Variants in RUNX2 observed in about 807,000 individuals in gnomAD.
The protein encoded by RUNX2 is runt-related transcription factor 2.
RUNX2 carries 10 observed loss-of-function variants against 51.7 expected under a neutral mutation model. The ratio of observed to expected loss-of-function variants is 0.19; its 90% CI spans 0.12 to 0.33. The LOEUF is 0.33. Among genes scored for constraint, RUNX2 ranks in the 10% least tolerant of loss-of-function variants. The pLI, the probability that RUNX2 is intolerant of heterozygous loss-of-function variation, is 1.00. For synonymous variants in RUNX2, 276 were observed against 273.6 expected, an observed-to-expected ratio of 1.01 and a Z score of -0.09; for missense variants, 562 against 691.3, an observed-to-expected ratio of 0.81 and a Z score of 2.10.
intron 5 of RUNX2, among the ~76,000 whole-genome samples, chr6:45,478,927 G>A (rs772026680): frequency 1.3e-5 from 2 of 151,158 alleles, no homozygotes; most frequent in South Asian, 4.2e-4. Flanking sequence ...TCTCTCTGTC[G>A]CCCAGGCTGG....
At chr6:45,362,843 GT>G (rs141246778) in intron 2 of RUNX2, among the ~76,000 whole-genome samples, 3 of 151,800 alleles carry the variant, frequency 2.0e-5, no homozygotes, top group Admixed American at 2.0e-4. Flanking sequence ...TTTTTTCTCA[GT>G]TTTTTTAAAA....
intron 2 of RUNX2, among the ~76,000 whole-genome samples, chr6:45,329,694 C>G (rs1017546470): frequency 6.6e-6 from 1 of 151,872 alleles, no homozygotes; most frequent in African/African-American, 2.4e-5. Flanking sequence ...AACTATTAAA[C>G]CATGCTGGAC....
intron 5 of RUNX2, among the ~76,000 whole-genome samples, chr6:45,450,813 G>A (rs1005507377): frequency 6.6e-6 from 1 of 152,214 alleles, no homozygotes; most frequent in African/African-American, 2.4e-5. Context: ...GAGGGCATTA[G>A]CAATGCCTAC....
chr6:45,469,087 T>C (rs955146625), intron 5 of RUNX2, among the ~76,000 whole-genome samples: 20 of 152,240 alleles, frequency 1.3e-4, no homozygotes, highest in African/African-American at 4.8e-4. Context: ...TCCTTCAGTC[T>C]AAAATTTTGC....
intron 2 of RUNX2, among the ~76,000 whole-genome samples, chr6:45,340,251 C>T (rs1254964255): frequency 2.6e-5 from 4 of 152,060 alleles, no homozygotes; most frequent in Non-Finnish European, 5.9e-5. Context: ...TTAAGAAATA[C>T]TAATCTGACA....
At chr6:45,366,164 T>C (rs1010669225) in intron 2 of RUNX2, among the ~76,000 whole-genome samples, 1 of 152,202 alleles carries the variant, frequency 6.6e-6, no homozygotes, top group African/African-American at 2.4e-5. Context: ...AAGCTGTAAT[T>C]TTCCTCAAAA....
intron 5 of RUNX2, among the ~76,000 whole-genome samples, chr6:45,480,281 T>C (rs1386556441): frequency 1.3e-5 from 2 of 152,232 alleles, no homozygotes; most frequent in African/African-American, 2.4e-5. Context: ...TTGGAGTTTA[T>C]ATCATGTTAC....
intron 7 of RUNX2, among the ~76,000 whole-genome samples, chr6:45,536,670 C>T (rs1802045630): frequency 6.6e-6 from 1 of 152,212 alleles, no homozygotes; most frequent in African/African-American, 2.4e-5. Context: ...CGGCATCTCT[C>T]CTGGACCAGT....
At chr6:45,397,960 A>C (rs1410158005) in intron 2 of RUNX2, among the ~76,000 whole-genome samples, 1 of 152,132 alleles carries the variant, frequency 6.6e-6, no homozygotes, top group African/African-American at 2.4e-5. Context: ...TGAACCTAGC[A>C]TTGTGCCTAG....
intron 5 of RUNX2, among the ~76,000 whole-genome samples, chr6:45,463,109 C>T (rs188755373): frequency 6.6e-6 from 1 of 152,184 alleles, no homozygotes; most frequent in South Asian, 2.1e-4. Context: ...AAATATTGAT[C>T]AATGACTTTT....
At chr6:45,428,486 T>C (rs1798446484) in intron 3 of RUNX2, among the ~76,000 whole-genome samples, 1 of 152,180 alleles carries the variant, frequency 6.6e-6, no homozygotes, top group South Asian at 2.1e-4. Context: ...ATTTAGCCAT[T>C]AAACTAGAGT....
At chr6:45,487,070 T>C (rs1800305434) in intron 5 of RUNX2, among the ~76,000 whole-genome samples, 1 of 152,226 alleles carries the variant, frequency 6.6e-6, no homozygotes, top group African/African-American at 2.4e-5. Flanking sequence ...TGATTATGCT[T>C]TCTTCTTGTG....
intron 2 of RUNX2, among the ~76,000 whole-genome samples, chr6:45,348,200 C>T (rs548854263): frequency 1.5e-3 from 227 of 152,076 alleles, no homozygotes; most frequent in African/African-American, 5.2e-3. Context: ...TCTAATATAA[C>T]ATAGCAGTTA....
chr6:45,377,906 T>C (rs1797049977), intron 2 of RUNX2: 1 of 146,766 alleles, frequency 6.8e-6, no homozygotes, highest in Admixed American at 6.8e-5. Context: ...GTGTGGAGTG[T>C]AGAAAGGGAA....
intron 2 of RUNX2, among the ~76,000 whole-genome samples, chr6:45,379,953 G>A (rs1233654010): frequency 6.6e-6 from 1 of 152,158 alleles, no homozygotes; most frequent in Admixed American, 6.5e-5. Context: ...GATACAGGAA[G>A]TTTAAAAATT....
chr6:45,531,762 AAAACTCAAAATATATG>A (rs1445886940), intron 7 of RUNX2, among the ~76,000 whole-genome samples: 3 of 151,800 alleles, frequency 2.0e-5, no homozygotes, highest in African/African-American at 7.3e-5. Context: ...AAAAAAAAAC[AAAACTCAAAATATATG>A]GTTTTATATG....
chr6:45,354,784 G>T (rs1792813746), intron 2 of RUNX2, among the ~76,000 whole-genome samples: 1 of 152,120 alleles, frequency 6.6e-6, no homozygotes, highest in South Asian at 2.1e-4. Flanking sequence ...AGGATCGCTT[G>T]AGGCTAGGGT....
chr6:45,360,044 T>C (rs1220266980), intron 2 of RUNX2, among the ~76,000 whole-genome samples: 1 of 152,228 alleles, frequency 6.6e-6, no homozygotes, highest in Non-Finnish European at 1.5e-5. Context: ...TAGTCACACA[T>C]AAACTGTTGA....
chr6:45,412,794 T>C (rs2064628), intron 2 of RUNX2, among the ~76,000 whole-genome samples: 31,234 of 152,122 alleles, frequency 0.21, 3,440 homozygotes, highest in Non-Finnish European at 0.25. Context: ...ATCCAGGCTG[T>C]AGTGCAGTGG....
Sources: gnomAD v4.1 joint callset for allele counts (sites outside exome capture counted in the v4.1 genomes callset) on GRCh38, gnomAD v4.1.1 for gene constraint, MANE v1.5 for transcripts, NCBI Gene and HGNC (gene_info 2026-07-23, HGNC 2026-07-21) for gene names.